CCDC85C: variants seen among roughly 807,000 people sequenced by gnomAD.
CCDC85C encodes coiled-coil domain containing 85C, also known as coiled-coil domain-containing protein 85C.
In CCDC85C, 18 loss-of-function variants were observed where a neutral mutation model predicts 38.3. The observed-to-expected ratio is 0.47, with a 90% CI of 0.33 to 0.70. CCDC85C has a LOEUF of 0.70. Ranked by LOEUF, CCDC85C falls within the 30% of genes least tolerant of loss-of-function variation. The probability of loss-of-function intolerance (pLI) is 0.03; values close to 1 mark genes in which losing one functional copy is unlikely to be tolerated. For synonymous variants in CCDC85C, 264 were observed against 293.8 expected (o/e 0.90, Z 1.04); for missense variants, 566 against 621.2 (o/e 0.91, Z 0.94).
At chr14:99,518,807 G>A (rs185722696) in intron 3 of CCDC85C, among the ~76,000 whole-genome samples, 6 of 152,328 alleles carry the variant, frequency 3.9e-5, no homozygotes, top group African/African-American at 1.4e-4. Flanking sequence ...AGCCAGGAGC[G>A]TGGGGGTGGG....
intron 1 of CCDC85C, among the ~76,000 whole-genome samples, chr14:99,571,304 C>T (rs921972994): frequency 6.6e-6 from 1 of 151,862 alleles, no homozygotes; most frequent in Non-Finnish European, 1.5e-5. Flanking sequence ...CCTGCCAGAG[C>T]TACTGGAACA....
chr14:99,577,676 T>A (rs978339716), intron 1 of CCDC85C, among the ~76,000 whole-genome samples: 2 of 145,788 alleles, frequency 1.4e-5, no homozygotes, highest in Non-Finnish European at 3.0e-5. Context: ...GCATCCCCCA[T>A]CAGTGTGTGT....
intron 1 of CCDC85C, among the ~76,000 whole-genome samples, chr14:99,597,813 C>T (rs1341279491): frequency 1.3e-5 from 2 of 152,220 alleles, no homozygotes; most frequent in Non-Finnish European, 2.9e-5. Context: ...CGACCCTACA[C>T]TGGGTACCAG....
chr14:99,529,047 C>T (rs573087575), intron 2 of CCDC85C, among the ~76,000 whole-genome samples: 17 of 152,290 alleles, frequency 1.1e-4, no homozygotes, highest in African/African-American at 3.4e-4. Flanking sequence ...AGGGGGCTGC[C>T]GCTTCAGCTG....
At chr14:99,546,556 T>G (rs561026161) in intron 1 of CCDC85C, among the ~76,000 whole-genome samples, 2 of 152,212 alleles carry the variant, frequency 1.3e-5, no homozygotes, top group South Asian at 4.2e-4. Context: ...TGTGTTTCAC[T>G]GAGGCAATGA....
At chr14:99,555,996 T>A (rs973863871) in intron 1 of CCDC85C, among the ~76,000 whole-genome samples, 15 of 152,190 alleles carry the variant, frequency 9.9e-5, no homozygotes, top group Admixed American at 8.5e-4. Context: ...TCGGCTGATC[T>A]TCTACCAAAG....
intron 1 of CCDC85C, among the ~76,000 whole-genome samples, chr14:99,562,442 G>T (rs1229198787): frequency 6.6e-6 from 1 of 152,214 alleles, no homozygotes; most frequent in East Asian, 1.9e-4. Context: ...CAGGCACATG[G>T]TGCATGAGAT....
At chr14:99,563,274 G>A (rs1898152488) in intron 1 of CCDC85C, among the ~76,000 whole-genome samples, 1 of 152,274 alleles carries the variant, frequency 6.6e-6, no homozygotes, top group South Asian at 2.1e-4. Context: ...TCGGGCCTGG[G>A]CCCCTGCCCT....
In CCDC85C at chr14:99,515,200, C is replaced by T. The variant is rs983890738; in HGVS notation, c.*46G>A. 1.4e-6 allele frequency: 2 copies of T among 1,459,210 alleles called. No individual in the cohort carries two copies. The highest frequency in any genetic ancestry group is 1.2e-5 in the South Asian group (1 of 80,870). 90.4% of individuals were successfully genotyped at this position (1,459,210 alleles called of 1,614,324 possible). The stretch of plus-strand genomic sequence containing the variant: ...CCGTGTCTGGGGCCTGAAACTCCCC[C>T]TGGGGACCCCCAGCAGGGCCAGTCC... On this transcript the variant is annotated 3_prime_UTR_variant, in exon 6 of 6. Transcript: ENST00000380243.
rs1484828037 is a variant in CCDC85C at position 99,541,719 on chromosome 14, A to G, written c.794-5631T>C. ...AGAGCTGCAGGTGCCAGCAGGCGATACAGCCGTGGGCTCAGAAACAGGAAG... is the reference window on the plus strand; with the variant it reads ...AGAGCTGCAGGTGCCAGCAGGCGATGCAGCCGTGGGCTCAGAAACAGGAAG... On this transcript the variant is annotated intron_variant, in intron 1 of 5. Transcript: ENST00000380243. 2.0e-5 allele frequency among the ~76,000 whole-genome samples: 3 copies of G among 152,194 alleles called. No individual in the cohort carries two copies. The East Asian group carries it at 5.8e-4, about 29-fold the overall frequency.
In CCDC85C at chr14:99,516,428, G is replaced by GA. The variant is rs1160675343; in HGVS notation, c.1072-143dup. On this transcript the variant is annotated intron_variant, in intron 4 of 5. Transcript: ENST00000380243. This position sits in a 1 kb window ranked among gnomAD's most constrained non-coding sequence, Gnocchi z 5.5. ...CGCTGGGCCCCTGGGGACAAGCGTG[G>GA]AAAAAACTGAGGGGCAGGTTGTCAT... is the stretch of plus-strand genomic sequence containing the variant. 20 of 629,504 alleles carry GA rather than the reference G, an allele frequency of 3.2e-5. No individual in the cohort carries two copies. Among genetic ancestry groups the GA allele is most frequent in the Non-Finnish European group, 5.6e-5 (20 of 356,916 alleles). 39.0% of individuals were successfully genotyped at this position (629,504 alleles called of 1,614,324 possible).
intron 1 of CCDC85C, chr14:99,583,171 A>T (rs1022415616): frequency 3.9e-5 from 6 of 152,244 alleles, no homozygotes; most frequent in African/African-American, 1.4e-4. Flanking sequence ...AAAAATTTTT[A>T]AAAGATAAAA....
At chr14:99,541,580 A>C (rs1262831422) in intron 1 of CCDC85C, among the ~76,000 whole-genome samples, 1 of 151,956 alleles carries the variant, frequency 6.6e-6, no homozygotes, top group Non-Finnish European at 1.5e-5. Context: ...AGGGGTGTCC[A>C]CTCTGCCGGT....
In CCDC85C at chr14:99,501,469, A is replaced by T. The variant is rs1217929531; in HGVS notation, c.*13777T>A. 2 of 1,167,050 alleles carry T rather than the reference A, an allele frequency of 1.7e-6. No individual in the cohort carries two copies. The highest frequency in any genetic ancestry group is 2.6e-6 in the Non-Finnish European group (2 of 780,022). 72.3% of individuals were successfully genotyped at this position (1,167,050 alleles called of 1,614,324 possible). On this transcript the variant is annotated 3_prime_UTR_variant, in exon 6 of 6. Transcript: ENST00000380243. ...GTATTTTAAAATAGGCAGAGACTTT[A>T]TGGACCATTTCATCTAAACCCCTCA...
rs564420484 is a variant in CCDC85C at position 99,544,424 on chromosome 14, A to G, written c.794-8336T>C. Among the ~76,000 whole-genome samples the G allele has an allele frequency of 2.3e-4, 35 of 152,246 alleles. No individual in the cohort carries two copies. The highest frequency in any genetic ancestry group is 7.9e-4 in the African/African-American group (33 of 41,536). On this transcript the variant is annotated intron_variant, in intron 1 of 5. Coordinates refer to ENST00000380243, the MANE Select transcript of CCDC85C (RefSeq NM_001144995.2). This position sits in a 1 kb window ranked among gnomAD's most constrained non-coding sequence, Gnocchi z 5.3. ...ACCTACTCCCCCAACAAAGAGACCG[A>G]GGTTCCGAGGGGCTCCATAACCACC...
At chr14:99,591,602 C>G (rs2055087645) in intron 1 of CCDC85C, among the ~76,000 whole-genome samples, 2 of 152,190 alleles carry the variant, frequency 1.3e-5, no homozygotes, top group African/African-American at 4.8e-5. Context: ...AATGTGCCTT[C>G]TGCACAGCAA....
intron 2 of CCDC85C, among the ~76,000 whole-genome samples, chr14:99,534,046 C>G (rs1897543942): frequency 6.6e-6 from 1 of 152,170 alleles, no homozygotes; most frequent in Non-Finnish European, 1.5e-5. Flanking sequence ...GACCGCAGAA[C>G]ACATTTCTCA....
chr14:99,598,907 T>C (rs2055171022), intron 1 of CCDC85C, among the ~76,000 whole-genome samples: 1 of 152,146 alleles, frequency 6.6e-6, no homozygotes, highest in Non-Finnish European at 1.5e-5. Flanking sequence ...TACCCACCCC[T>C]GGGTCACCTG....
intron 1 of CCDC85C, among the ~76,000 whole-genome samples, chr14:99,597,405 G>T (rs1357568090): frequency 6.6e-6 from 1 of 152,152 alleles, no homozygotes; most frequent in Non-Finnish European, 1.5e-5. Context: ...GTAATGTGGG[G>T]CGTGTCTTAG....
Sources: allele counts gnomAD v4.1 joint callset (sites outside exome capture counted in the v4.1 genomes callset), GRCh38; gene constraint gnomAD v4.1.1; non-coding constraint Gnocchi (gnomAD v3.1); transcripts MANE v1.5; gene names NCBI Gene and HGNC (gene_info 2026-07-23, HGNC 2026-07-21).